TMPRSS9: variants seen among roughly 807,000 people sequenced by gnomAD.
TMPRSS9 encodes the protein transmembrane serine protease 9, also known as transmembrane protease serine 9.
A neutral mutation model predicts 111.4 loss-of-function variants in TMPRSS9; 113 were observed. The observed-to-expected ratio is 1.01, with a 90% confidence interval of 0.87 to 1.19. TMPRSS9 has a LOEUF of 1.19. Among genes scored for constraint, TMPRSS9 ranks in the 50% most tolerant of loss-of-function variants. The pLI is 0.00. For missense variants in TMPRSS9, 1,803 were observed against 1,513.1 expected, an observed-to-expected ratio of 1.19 and a Z score of -3.18; for synonymous variants, 805 against 659.1, an observed-to-expected ratio of 1.22 and a Z score of -3.39.
rs549022484 is a variant in TMPRSS9 at position 2,425,058 on chromosome 19, C to G, written c.2774C>G (p.Ala925Gly). Residue 925 changes from alanine to glycine, a missense_variant, in exon 16 of 18, where the codon GCG (alanine) becomes GGG (glycine). Ala to Gly is a moderately conservative substitution (Grantham distance 60). Coordinates refer to ENST00000648592, the Ensembl canonical transcript of TMPRSS9. Reference sequence around the variant, plus strand: ...CTAGGCACGCCGTTCCTGAGCGGCGCGGAGGGGCAGCTGGAGCGCGTGGCG... The same window carrying G: ...CTAGGCACGCCGTTCCTGAGCGGCGGGGAGGGGCAGCTGGAGCGCGTGGCG... 1.2e-4 allele frequency: 195 copies of G among 1,567,532 alleles called. 1 individual carries two copies. In the Middle Eastern group the frequency reaches 3.0e-3, roughly 24 times the overall value.
exon 14 of TMPRSS9, chr19:2,421,878 T>C (rs1971468841): frequency 1.2e-6 from 2 of 1,609,230 alleles, no homozygotes; most frequent in Non-Finnish European, 1.7e-6. Context: ...CCCCCTGGCC[T>C]GCGAGGAGGC....
intron 1 of TMPRSS9, among the ~76,000 whole-genome samples, chr19:2,363,360 C>A (rs572331731): frequency 6.6e-6 from 1 of 152,262 alleles, no homozygotes; most frequent in South Asian, 2.1e-4. Context: ...CATCGGAGTT[C>A]AAACCCTGTT....
intron 5 of TMPRSS9, 93 bp downstream of exon 6, chr19:2,402,109 G>A (rs532856530): frequency 6.4e-5 from 87 of 1,356,924 alleles, no homozygotes; most frequent in East Asian, 3.8e-4. Context: ...TCCCTGGAAC[G>A]AGGCTGGGCG....
chr19:2,387,877 C>T (rs1970510449), upstream of TMPRSS9, among the ~76,000 whole-genome samples: 1 of 152,124 alleles, frequency 6.6e-6, no homozygotes, highest in Admixed American at 6.6e-5. Context: ...CAAAGGCACC[C>T]TTAACGGCTG....
chr19:2,405,632 C>A, intron 7 of TMPRSS9, 87 bp downstream of exon 8: 2 of 1,340,608 alleles, frequency 1.5e-6, no homozygotes, highest in Non-Finnish European at 2.0e-6. Context: ...CTTCTGGTTT[C>A]CTTAGAGCCC....
At chr19:2,396,426 G>T (rs1400957092) in intron 1 of TMPRSS9, 113 bp from the exon 3 acceptor site, 3 of 1,328,318 alleles carry the variant, frequency 2.3e-6, no homozygotes, top group Non-Finnish European at 3.0e-6. Context: ...CTGCGTGTCA[G>T]GAGTGACCAC....
Position 2,382,749 on chromosome 19 carries a change from C to A in TMPRSS9, c.-25-7012C>A, listed in dbSNP as rs1368776471. ...GATACATACGCACAAACGCACACAT[C>A]CACACATACACAGATGCACACACGC... On this transcript the variant is annotated intron_variant, in intron 1 of 17. Coordinates refer to the TMPRSS9 transcript ENST00000649857. 2.6e-5 allele frequency among the ~76,000 whole-genome samples: 4 copies of A among 150,956 alleles called. No homozygotes were observed. In the East Asian group the frequency reaches 5.8e-4, roughly 22 times the overall value.
chr19:2,410,466 TCA>T, intron 9 of TMPRSS9, 72 bp downstream of exon 10: 2 of 1,565,398 alleles, frequency 1.3e-6, no homozygotes, highest in East Asian at 2.3e-5. Context: ...GCTGAGCAAT[TCA>T]CAGATATCTG....
At chr19:2,405,065 A>G (rs988093996) in intron 6 of TMPRSS9, among the ~76,000 whole-genome samples, 1 of 152,164 alleles carries the variant, frequency 6.6e-6, no homozygotes, top group African/African-American at 2.4e-5. Flanking sequence ...AGACAGACAC[A>G]ATATCCTATA....
chr19:2,385,798 C>T (rs1324915927), upstream of TMPRSS9, among the ~76,000 whole-genome samples: 1 of 152,062 alleles, frequency 6.6e-6, no homozygotes, highest in African/African-American at 2.4e-5. Context: ...CTGCAGTGAG[C>T]TATGATAGCA....
exon 17 of TMPRSS9, chr19:2,425,392 C>A (rs1161713801): frequency 2.0e-5 from 31 of 1,555,888 alleles, no homozygotes; most frequent in Non-Finnish European, 2.6e-5. Context: ...GGCGGCCGTG[C>A]GCCTCCTCAG....
intron 1 of TMPRSS9, among the ~76,000 whole-genome samples, chr19:2,368,677 C>T (rs1008858846): frequency 1.4e-4 from 21 of 150,048 alleles, no homozygotes; most frequent in South Asian, 4.3e-4. Flanking sequence ...CTAGACATGG[C>T]GTAGGGGCCC....
chr19:2,385,538 G>A (rs1200212000), upstream of TMPRSS9, among the ~76,000 whole-genome samples: 2 of 152,082 alleles, frequency 1.3e-5, no homozygotes, highest in Non-Finnish European at 2.9e-5. Flanking sequence ...ATCAGTGGGA[G>A]AACACCCGGA....
chr19:2,399,945 G>A (rs1970794904), intron 4 of TMPRSS9, among the ~76,000 whole-genome samples: 1 of 152,126 alleles, frequency 6.6e-6, no homozygotes, highest in Non-Finnish European at 1.5e-5. Context: ...TACTGGGCTG[G>A]TCTTGGACTC....
upstream of TMPRSS9, among the ~76,000 whole-genome samples, chr19:2,389,076 CTT>C (rs1197842508): frequency 9.3e-5 from 13 of 139,686 alleles, no homozygotes; most frequent in Non-Finnish European, 9.4e-5. Context: ...CACGTTCCAC[CTT>C]TTTTTTTTTT....
In TMPRSS9 at chr19:2,415,824, C is replaced by T. The variant is rs199829563; in HGVS notation, c.1728C>T (p.Ala576=). Residue 576 remains alanine, a synonymous_variant, in exon 11 of 18, where the codon GCC becomes GCT. Coordinates refer to ENST00000648592, the Ensembl canonical transcript of TMPRSS9. The stretch of plus-strand genomic sequence containing the variant: ...TGGGGGACCGCTGGCTGCTGTCTGC[C>T]GCCCACTGCTTCAACCAGTAAGGCC... 3.8e-5 allele frequency: 61 copies of T among 1,597,510 alleles called. 1 individual carries two copies. The East Asian group carries it at 3.8e-4, about 10-fold the overall frequency.
chr19:2,424,864 C>G (rs969785731), intron 15 of TMPRSS9, 138 bp from the exon 17 acceptor site: 9 of 1,121,928 alleles, frequency 8.0e-6, no homozygotes, highest in Non-Finnish European at 1.1e-5. Context: ...AGACTGAGCC[C>G]ATTCCCAGAC....
intron 1 of TMPRSS9, among the ~76,000 whole-genome samples, chr19:2,376,761 G>A (rs1235970034): frequency 1.3e-5 from 2 of 152,052 alleles, no homozygotes; most frequent in Non-Finnish European, 2.9e-5. Context: ...CCAGCCCCAA[G>A]ATGCATTTCT....
intron 9 of TMPRSS9, among the ~76,000 whole-genome samples, chr19:2,413,193 T>A (rs1197348743): frequency 4.0e-5 from 6 of 151,870 alleles, no homozygotes; most frequent in Admixed American, 3.9e-4. Flanking sequence ...AAACTCTATC[T>A]CAAAAACAAA....
Sources: gnomAD v4.1 joint callset for allele counts (sites outside exome capture counted in the v4.1 genomes callset) on GRCh38, gnomAD v4.1.1 for gene constraint, MANE v1.5 for transcripts, NCBI Gene and HGNC (gene_info 2026-07-23, HGNC 2026-07-21) for gene names.